The following DNAJC3 variants were observed in gnomAD, a reference collection of about 807,000 sequenced individuals.
DNAJC3 encodes the protein DnaJ heat shock protein family (Hsp40) member C3, also known as dnaJ homolog subfamily C member 3.
In DNAJC3, 38 loss-of-function variants were observed where a neutral mutation model predicts 68.6. The observed-to-expected ratio is 0.55, with a 90% CI of 0.43 to 0.73. DNAJC3 has a LOEUF of 0.73. Among genes scored for constraint, DNAJC3 ranks in the 30% least tolerant of loss-of-function variants. The pLI is 0.00. For synonymous variants in DNAJC3, 203 were observed against 204.0 expected (o/e 1.00, Z 0.04); for missense variants, 526 against 591.9 (o/e 0.89, Z 1.16).
intron 4 of DNAJC3, among the ~76,000 whole-genome samples, chr13:95,731,111 G>A (rs1294351905): frequency 6.6e-6 from 1 of 151,918 alleles, no homozygotes; most frequent in Non-Finnish European, 1.5e-5. Flanking sequence ...TTCATTATTG[G>A]TGTATAGAGA....
At chr13:95,685,171 G>T (rs531389190) in intron 1 of DNAJC3, among the ~76,000 whole-genome samples, 29 of 152,374 alleles carry the variant, frequency 1.9e-4, no homozygotes, top group Admixed American at 1.3e-3. Context: ...GACAGCAGCC[G>T]CGTGGGCTGA....
rs186896678 is a variant in DNAJC3 at position 95,704,143 on chromosome 13, A to G, written c.83-5084A>G. The stretch of plus-strand genomic sequence containing the variant: ...GGCCATATGGGAGTCTCATCTTCCA[A>G]TTAATCGGAAACATTGTTGTGTCCC... On this transcript the variant is annotated intron_variant, in intron 1 of 11. Coordinates refer to ENST00000602402, the MANE Select transcript of DNAJC3 (RefSeq NM_006260.5). Among the ~76,000 whole-genome samples the G allele has an allele frequency of 3.3e-5, 5 of 152,330 alleles. No homozygotes were observed. The East Asian group carries it at 9.7e-4, about 29-fold the overall frequency.
At chr13:95,754,831 G>A (rs1037509081) in intron 4 of DNAJC3, among the ~76,000 whole-genome samples, 15 of 152,128 alleles carry the variant, frequency 9.9e-5, no homozygotes, top group Admixed American at 4.6e-4. Context: ...TATTTGAGGC[G>A]CCAGAAGTAG....
intron 4 of DNAJC3, among the ~76,000 whole-genome samples, chr13:95,753,891 G>T (rs1882567852): frequency 6.6e-6 from 1 of 152,142 alleles, no homozygotes; most frequent in Non-Finnish European, 1.5e-5. Context: ...ATTACTGATT[G>T]CCAGGAATGG....
chr13:95,715,231 A>C (rs1411992131), intron 2 of DNAJC3, among the ~76,000 whole-genome samples: 2 of 152,168 alleles, frequency 1.3e-5, no homozygotes, highest in African/African-American at 4.8e-5. Flanking sequence ...GCTCGTCTCT[A>C]CAAAAGTAAA....
At chr13:95,748,683 G>GC (rs772677058) in intron 4 of DNAJC3, among the ~76,000 whole-genome samples, 16 of 152,188 alleles carry the variant, frequency 1.1e-4, no homozygotes, top group South Asian at 4.1e-4. Context: ...GGGCATGTTG[G>GC]CACACGCCTG....
chr13:95,745,343 G>A (rs2139662289), intron 4 of DNAJC3: 1 of 152,262 alleles, frequency 6.6e-6, no homozygotes, highest in South Asian at 2.1e-4. Context: ...AATAAATAAA[G>A]CCAGGAGGTT....
chr13:95,764,347 TTCTCTCTCTCTCTCTC>T, intron 9 of DNAJC3, among the ~76,000 whole-genome samples: 1 of 130,082 alleles, frequency 7.7e-6, no homozygotes, highest in South Asian at 2.7e-4. Context: ...CATATACATA[TTCTCTCTCTCTCTCTC>T]TCTCTCTCTC....
rs1883785448 is a variant in DNAJC3 at position 95,791,834 on chromosome 13, C to T, written c.*804C>T. The T allele has an allele frequency of 1.3e-5, 2 of 152,132 alleles. No individual in the cohort carries two copies. Among genetic ancestry groups the T allele is most frequent in the Non-Finnish European group, 2.9e-5 (2 of 68,028 alleles). 9.4% of individuals were successfully genotyped at this position (152,132 alleles called of 1,614,324 possible). A position where few individuals can be genotyped will look rare whatever the true frequency, so the allele number is the denominator to read the frequency against. On this transcript the variant is annotated 3_prime_UTR_variant, in exon 12 of 12. Transcript: ENST00000602402. ...TATTTAAAATAATATTGCTGAAGTG[C>T]AGATTGAAATACTTTTTAAACAACT...
chr13:95,689,148 G>T (rs1330792547), intron 1 of DNAJC3, among the ~76,000 whole-genome samples: 1 of 150,584 alleles, frequency 6.6e-6, no homozygotes, highest in Non-Finnish European at 1.5e-5. Flanking sequence ...TTTTTTTTCG[G>T]GGGGGAATAC....
At chr13:95,703,521 G>GTGAT (rs1880636682) in intron 1 of DNAJC3, among the ~76,000 whole-genome samples, 1 of 152,222 alleles carries the variant, frequency 6.6e-6, no homozygotes, top group East Asian at 1.9e-4. Context: ...TATGCTTGGA[G>GTGAT]TGATTTCAGT....
intron 4 of DNAJC3, among the ~76,000 whole-genome samples, chr13:95,749,549 A>T (rs935950798): frequency 5.9e-5 from 9 of 152,196 alleles, no homozygotes; most frequent in Non-Finnish European, 1.5e-5. Context: ...AGAGCCATTG[A>T]TTGAAGAGAT....
rs1593980407 is a variant in DNAJC3 at position 95,723,348 on chromosome 13, G to T, written c.300G>T (p.Leu100Phe). 4 of 1,612,276 alleles carry T rather than the reference G, an allele frequency of 2.5e-6. No individual in the cohort carries two copies. Among genetic ancestry groups the T allele is most frequent in the Non-Finnish European group, 1.7e-6 (2 of 1,178,936 alleles). The part of the protein sequence containing the change: ...ALPDLTKVIQ[L>F]KMDFTAARLQ... Reference sequence around the variant, plus strand: ...CTGATTTAACTAAAGTGATTCAATTGAAGATGGACTTCACTGCAGTAAGTA... The same window carrying T: ...CTGATTTAACTAAAGTGATTCAATTTAAGATGGACTTCACTGCAGTAAGTA... Residue 100 changes from leucine (L) to phenylalanine (F), a missense_variant, in exon 3 of 12, where the codon TTG becomes TTT. Transcript: ENST00000602402.
intron 3 of DNAJC3, among the ~76,000 whole-genome samples, chr13:95,724,145 A>T (rs899784511): frequency 2.0e-5 from 3 of 152,228 alleles, no homozygotes; most frequent in African/African-American, 7.2e-5. Context: ...TATTTTTCAA[A>T]TTTATCTTAC....
At chr13:95,774,720 C>A (rs968285412) in intron 9 of DNAJC3, among the ~76,000 whole-genome samples, 2 of 152,146 alleles carry the variant, frequency 1.3e-5, no homozygotes, top group African/African-American at 4.8e-5. Flanking sequence ...TTTATTCTTA[C>A]TCAGTGTTCC....
chr13:95,743,854 C>T (rs1012586319), intron 4 of DNAJC3, among the ~76,000 whole-genome samples: 2 of 152,294 alleles, frequency 1.3e-5, no homozygotes, highest in African/African-American at 2.4e-5. Flanking sequence ...CCACCACGCC[C>T]GGCTGCCTCC....
At position 95,723,268 on chromosome 13, in the gene DNAJC3, T is replaced by C. The variant is rs992617009; in HGVS notation, c.220T>C (p.Tyr74His). 2 of 1,611,296 alleles carry C rather than the reference T, an allele frequency of 1.2e-6. No homozygotes were observed. The highest frequency in any genetic ancestry group is 2.7e-5 in the African/African-American group (2 of 74,900). The change falls in exon 3 of 12, where the codon TAT (tyrosine) becomes CAT (histidine). Residue 74 changes from tyrosine (Y) to histidine (H), a missense_variant. Physicochemically the swap from Tyr to His is moderately conservative, Grantham distance 83 (BLOSUM62 2). Transcript: ENST00000602402. ...TGGTGACCCTGATAACTATATTGCT[T>C]ATTATCGGAGGGCTACTGTCTTTTT... ...VDGDPDNYIA[Y>H]YRRATVFLAM...
chr13:95,706,494 C>T (rs1253696038), intron 1 of DNAJC3, among the ~76,000 whole-genome samples: 1 of 152,160 alleles, frequency 6.6e-6, no homozygotes, highest in Non-Finnish European at 1.5e-5. Context: ...CAGCTACTTC[C>T]TTTGGGTCAT....
At chr13:95,785,111 GTT>G (rs1191365182) in intron 9 of DNAJC3, among the ~76,000 whole-genome samples, 1 of 152,148 alleles carries the variant, frequency 6.6e-6, no homozygotes, top group Non-Finnish European at 1.5e-5. Context: ...ATTGTGGACA[GTT>G]CCTTCTGTTC....
Sources: gnomAD v4.1 joint callset for allele counts (sites outside exome capture counted in the v4.1 genomes callset) on GRCh38, gnomAD v4.1.1 for gene constraint, MANE v1.5 for transcripts, NCBI Gene and HGNC (gene_info 2026-07-23, HGNC 2026-07-21) for gene names.